The following CALCR variants were observed in gnomAD, a reference collection of about 807,000 sequenced individuals.
The protein encoded by CALCR is calcitonin receptor.
In CALCR, 47 loss-of-function variants were observed where a neutral mutation model predicts 59.5. That is an observed-to-expected ratio of 0.79 (90% confidence interval 0.63 to 1.01). CALCR has a LOEUF of 1.01. Among genes scored for constraint, CALCR ranks in the 50% least tolerant of loss-of-function variants. The probability of loss-of-function intolerance (pLI) is 0.00; values close to 1 mark genes in which losing one functional copy is unlikely to be tolerated. For missense variants in CALCR, 566 were observed against 597.1 expected (o/e 0.95, Z 0.54); for synonymous variants, 213 against 211.3 (o/e 1.01, Z -0.07).
intron 2 of CALCR, among the ~76,000 whole-genome samples, chr7:93,505,495 A>G (rs2116020159): frequency 6.6e-6 from 1 of 152,306 alleles, no homozygotes; most frequent in East Asian, 1.9e-4. Flanking sequence ...GAACTTGTCC[A>G]AATTTACAAA....
intron 2 of CALCR, among the ~76,000 whole-genome samples, chr7:93,555,713 A>G (rs1033378324): frequency 1.3e-5 from 2 of 152,168 alleles, no homozygotes; most frequent in Admixed American, 1.3e-4. Flanking sequence ...CACTGAGTTT[A>G]TCATATGTTT....
chr7:93,541,774 C>T (rs1372490252), intron 2 of CALCR, among the ~76,000 whole-genome samples: 1 of 152,174 alleles, frequency 6.6e-6, no homozygotes, highest in Non-Finnish European at 1.5e-5. Context: ...TGGAACTATT[C>T]ACCCTTCTTA....
chr7:93,477,205 G>C (rs927230865), intron 5 of CALCR, among the ~76,000 whole-genome samples: 4 of 151,822 alleles, frequency 2.6e-5, no homozygotes, highest in Admixed American at 2.0e-4. Context: ...TTTAGTTTCA[G>C]CATCTGGGTC....
chr7:93,535,280 G>A (rs914003502), intron 2 of CALCR, among the ~76,000 whole-genome samples: 1 of 151,590 alleles, frequency 6.6e-6, no homozygotes, highest in Non-Finnish European at 1.5e-5. Context: ...TGAGACATAG[G>A]TAATTACACA....
chr7:93,458,630 C>T (rs190262344), intron 8 of CALCR, among the ~76,000 whole-genome samples: 1 of 152,210 alleles, frequency 6.6e-6, no homozygotes, highest in African/African-American at 2.4e-5. Context: ...ATTTATTTCT[C>T]CACTTCCTTT....
At position 93,566,440 on chromosome 7, in the gene CALCR, A is replaced by G. The variant is rs76117312; in HGVS notation, c.-27+7849T>C. ...AAGCCTATAAGAGATCGGCTGAAATATCCATTGAGAGAGGCTCCTAATTCT... is the reference window on the plus strand; with the variant it reads ...AAGCCTATAAGAGATCGGCTGAAATGTCCATTGAGAGAGGCTCCTAATTCT... On this transcript the variant is annotated intron_variant, in intron 2 of 13. Transcript: ENST00000426151. 1.2e-4 allele frequency among the ~76,000 whole-genome samples: 18 copies of G among 152,284 alleles called. 1 individual carries two copies. In the East Asian group the frequency reaches 2.5e-3, roughly 21 times the overall value.
chr7:93,427,594 T>C (rs1799557728), intron 13 of CALCR, among the ~76,000 whole-genome samples: 1 of 152,166 alleles, frequency 6.6e-6, no homozygotes. Flanking sequence ...ATATATAATG[T>C]GAACTAAATC....
chr7:93,447,234 G>A (rs1032917154), intron 8 of CALCR, among the ~76,000 whole-genome samples: 1 of 152,028 alleles, frequency 6.6e-6, no homozygotes, highest in African/African-American at 2.4e-5. Flanking sequence ...CAGAATTATA[G>A]AACACAGGTT....
At chr7:93,451,331 A>G (rs28512291) in intron 8 of CALCR, among the ~76,000 whole-genome samples, 2,506 of 152,114 alleles carry the variant, frequency 0.016, 67 homozygotes, top group African/African-American at 0.057. Context: ...ATTCAATTAC[A>G]TGTGACACTA....
intron 2 of CALCR, among the ~76,000 whole-genome samples, chr7:93,511,070 CCT>C (rs1171690686): frequency 6.7e-6 from 1 of 148,222 alleles, no homozygotes; most frequent in Non-Finnish European, 1.5e-5. Flanking sequence ...TGAAAAAAAC[CCT>C]CTCTCTCTTT....
At chr7:93,503,368 A>T (rs774734782) in intron 2 of CALCR, among the ~76,000 whole-genome samples, 2 of 152,036 alleles carry the variant, frequency 1.3e-5, no homozygotes, top group Non-Finnish European at 2.9e-5. Context: ...TCATGAATAC[A>T]TATGCTTTTT....
chr7:93,434,185 G>A, intron 13 of CALCR, 68 bp downstream of exon 13: 2 of 1,053,830 alleles, frequency 1.9e-6, no homozygotes, highest in South Asian at 1.3e-5. Flanking sequence ...AATTTGTACA[G>A]AGGCCCTTTG....
chr7:93,498,474 C>T (rs561815689), intron 2 of CALCR, among the ~76,000 whole-genome samples: 30 of 151,740 alleles, frequency 2.0e-4, no homozygotes, highest in African/African-American at 7.2e-4. Context: ...GGCATTGTAA[C>T]CTCACGTATA....
At chr7:93,443,056 G>A (rs1030171131) in intron 9 of CALCR, among the ~76,000 whole-genome samples, 4 of 152,014 alleles carry the variant, frequency 2.6e-5, no homozygotes, top group Non-Finnish European at 4.4e-5. Context: ...GCTTTCCCGA[G>A]CCAATGCCAT....
chr7:93,491,324 A>T (rs1305346580), intron 2 of CALCR, among the ~76,000 whole-genome samples: 1 of 152,118 alleles, frequency 6.6e-6, no homozygotes, highest in Non-Finnish European at 1.5e-5. Context: ...CCTAGGCAAT[A>T]CCATTCAGGA....
intron 13 of CALCR, among the ~76,000 whole-genome samples, chr7:93,427,460 C>A (rs369612368): frequency 1.3e-5 from 2 of 152,178 alleles, no homozygotes; most frequent in African/African-American, 4.8e-5. Flanking sequence ...TTCTGAGTTT[C>A]TATTGCTCAG....
At chr7:93,548,313 T>A (rs1789348348) in intron 2 of CALCR, among the ~76,000 whole-genome samples, 1 of 152,186 alleles carries the variant, frequency 6.6e-6, no homozygotes, top group South Asian at 2.1e-4. Flanking sequence ...GCAAAGCGAA[T>A]GACTCTAATG....
chr7:93,436,552 T>C (rs1486672476), intron 11 of CALCR, among the ~76,000 whole-genome samples: 1 of 152,182 alleles, frequency 6.6e-6, no homozygotes, highest in Non-Finnish European at 1.5e-5. Flanking sequence ...TTATTAGTCT[T>C]TATTTGGAAC....
At chr7:93,514,505 TATA>T (rs1236015916) in intron 2 of CALCR, among the ~76,000 whole-genome samples, 1 of 152,074 alleles carries the variant, frequency 6.6e-6, no homozygotes, top group African/African-American at 2.4e-5. Flanking sequence ...AAACTTTCAA[TATA>T]ATAATACACT....
Sources: allele counts gnomAD v4.1 joint callset (sites outside exome capture counted in the v4.1 genomes callset), GRCh38; gene constraint gnomAD v4.1.1; transcripts MANE v1.5; gene names NCBI Gene and HGNC (gene_info 2026-07-23, HGNC 2026-07-21).